The following SYT16 variants were observed in gnomAD, a reference collection of about 807,000 sequenced individuals.
SYT16 encodes the protein synaptotagmin-16.
Under a neutral mutation model 61.4 loss-of-function variants are expected in SYT16, and 42 were observed. That is an observed-to-expected ratio of 0.68 (90% CI 0.53 to 0.89). The LOEUF is 0.89. Among genes scored for constraint, SYT16 ranks in the 40% least tolerant of loss-of-function variants. The probability of loss-of-function intolerance (pLI) is 0.00; values close to 1 mark genes in which losing one functional copy is unlikely to be tolerated. For missense variants in SYT16, 804 were observed against 807.3 expected (o/e 1.00, Z 0.05); for synonymous variants, 314 against 302.3 (o/e 1.04, Z -0.40).
Position 62,075,362 on chromosome 14 carries a change from A to C in SYT16, c.964A>C (p.Thr322Pro), listed in dbSNP as rs558834166. 1 of 1,613,532 alleles carries C rather than the reference A, an allele frequency of 6.2e-7. No individual in the cohort carries two copies. Among genetic ancestry groups the C allele is most frequent in the South Asian group, 1.1e-5 (1 of 91,076 alleles). The part of the protein sequence containing the change: ...NSRGFEDSYA[T>P]DSSSMWSPEE... Reference sequence around the variant, plus strand: ...CCGGGGATTTGAAGATTCCTATGCCACTGACAGCTCCTCCATGTGGAGTCC... The same window carrying C: ...CCGGGGATTTGAAGATTCCTATGCCCCTGACAGCTCCTCCATGTGGAGTCC... The change falls in exon 5 of 8, where the codon ACT (threonine) becomes CCT (proline). Residue 322 changes from threonine (T) to proline (P), a missense_variant. Physicochemically the swap from Thr to Pro is conservative, Grantham distance 38. Coordinates refer to ENST00000683842, the MANE Select transcript of SYT16 (RefSeq NM_001367656.1).
chr14:61,963,749 G>A (rs1381731367), intron 1 of SYT16, among the ~76,000 whole-genome samples: 1 of 152,200 alleles, frequency 6.6e-6, no homozygotes, highest in African/African-American at 2.4e-5. Context: ...TTCATGGCTA[G>A]AGAGGAGACG....
intron 3 of SYT16, among the ~76,000 whole-genome samples, chr14:62,027,813 C>T (rs1425541569): frequency 6.6e-6 from 1 of 152,168 alleles, no homozygotes; most frequent in Non-Finnish European, 1.5e-5. Flanking sequence ...TTGTGTTCTC[C>T]TTTTTTGCCT....
intron 3 of SYT16, among the ~76,000 whole-genome samples, chr14:62,056,666 A>G (rs2055571276): frequency 1.3e-5 from 2 of 152,302 alleles, no homozygotes; most frequent in East Asian, 1.9e-4. Context: ...TCTCTGCCCC[A>G]GGGGAGAACT....
At chr14:62,056,996 G>A (rs532031077) in intron 3 of SYT16, among the ~76,000 whole-genome samples, 30 of 152,290 alleles carry the variant, frequency 2.0e-4, no homozygotes, top group Middle Eastern at 3.4e-3. Context: ...AGCCGCGCTG[G>A]GGGGCACGGC....
chr14:61,832,013 G>C, intron 1 of SYT16: 2 of 673,426 alleles, frequency 3.0e-6, no homozygotes, highest in South Asian at 3.0e-5. Flanking sequence ...GCTTCTCCCA[G>C]ATGATAATGA....
At chr14:61,857,925 C>G (rs1262844111) in intron 1 of SYT16, among the ~76,000 whole-genome samples, 1 of 151,780 alleles carries the variant, frequency 6.6e-6, no homozygotes, top group African/African-American at 2.4e-5. Flanking sequence ...AAAAAACATT[C>G]AAAATTTATT....
chr14:62,043,096 TCTC>T (rs1285371112), intron 3 of SYT16, among the ~76,000 whole-genome samples: 2 of 124,238 alleles, frequency 1.6e-5, no homozygotes, highest in African/African-American at 7.2e-5. Context: ...GCCTGTGGTT[TCTC>T]TTTTTTTTTT....
At chr14:62,058,446 G>A (rs74614012) in intron 3 of SYT16, among the ~76,000 whole-genome samples, 11,542 of 148,506 alleles carry the variant, frequency 0.078, 494 homozygotes, top group East Asian at 0.12. Flanking sequence ...CAACCTCCGC[G>A]TCCCAGGTTC....
At chr14:61,960,578 T>G (rs1329976634) in intron 1 of SYT16, among the ~76,000 whole-genome samples, 1 of 152,204 alleles carries the variant, frequency 6.6e-6, no homozygotes, top group Non-Finnish European at 1.5e-5. Flanking sequence ...TGAAGTTGTT[T>G]ATCAGATCAA....
At chr14:62,064,086 A>T (rs1282210258) in intron 3 of SYT16, among the ~76,000 whole-genome samples, 5 of 152,178 alleles carry the variant, frequency 3.3e-5, no homozygotes. Flanking sequence ...TAAAGATTTT[A>T]ATAAAAATTT....
intron 5 of SYT16, chr14:62,079,395 G>A: frequency 1.7e-6 from 2 of 1,211,010 alleles, no homozygotes; most frequent in Non-Finnish European, 2.1e-6. Flanking sequence ...TGTCTGTCAA[G>A]TCCTCTACTT....
chr14:62,047,855 T>C (rs977378002), intron 3 of SYT16, among the ~76,000 whole-genome samples: 2 of 152,234 alleles, frequency 1.3e-5, no homozygotes, highest in African/African-American at 4.8e-5. Context: ...AGCTTTTTGA[T>C]GTACTACTGG....
intron 7 of SYT16, among the ~76,000 whole-genome samples, chr14:62,092,188 A>ACACACACG (rs1454788436): frequency 1.1e-5 from 1 of 90,454 alleles, no homozygotes; most frequent in Non-Finnish European, 2.4e-5. Context: ...ACACACACAC[A>ACACACACG]CACACACACA....
At chr14:61,847,224 T>C (rs1401194202) in intron 1 of SYT16, among the ~76,000 whole-genome samples, 1 of 152,240 alleles carries the variant, frequency 6.6e-6, no homozygotes, top group African/African-American at 2.4e-5. Flanking sequence ...GCATTTCTTG[T>C]TGGACAGGTC....
intron 3 of SYT16, among the ~76,000 whole-genome samples, chr14:62,067,023 C>G (rs1427478292): frequency 6.6e-6 from 1 of 152,054 alleles, no homozygotes; most frequent in South Asian, 2.1e-4. Flanking sequence ...AAGCTGAGAC[C>G]TCAATGATGA....
At chr14:61,860,982 A>G (rs570619219) in intron 1 of SYT16, among the ~76,000 whole-genome samples, 1 of 152,262 alleles carries the variant, frequency 6.6e-6, no homozygotes, top group African/African-American at 2.4e-5. Context: ...GGAGGGTGAG[A>G]GGCAGTGACG....
At chr14:62,065,874 G>T (rs2056040213) in intron 3 of SYT16, among the ~76,000 whole-genome samples, 1 of 152,166 alleles carries the variant, frequency 6.6e-6, no homozygotes, top group Admixed American at 6.5e-5. Context: ...TCATTATGGT[G>T]GTTTTCTGAT....
chr14:61,960,555 C>A (rs901028448), intron 1 of SYT16, among the ~76,000 whole-genome samples: 1 of 152,070 alleles, frequency 6.6e-6, no homozygotes, highest in African/African-American at 2.4e-5. Context: ...TATTTTGTAT[C>A]CTGAAACTTT....
At chr14:62,086,998 G>T (rs910035284) in intron 7 of SYT16, among the ~76,000 whole-genome samples, 2 of 152,212 alleles carry the variant, frequency 1.3e-5, no homozygotes, top group African/African-American at 4.8e-5. Flanking sequence ...GAAAGTAGAA[G>T]GTTCCTTTGT....
Sources: gnomAD v4.1 joint callset for allele counts (sites outside exome capture counted in the v4.1 genomes callset) on GRCh38, gnomAD v4.1.1 for gene constraint, MANE v1.5 for transcripts, NCBI Gene and HGNC (gene_info 2026-07-23, HGNC 2026-07-21) for gene names.